The following CRPPA variants were observed in gnomAD, a reference collection of about 807,000 sequenced individuals.
CRPPA encodes D-ribitol-5-phosphate cytidylyltransferase.
CRPPA carries 43 observed loss-of-function variants against 52.0 expected under a neutral mutation model. The ratio of observed to expected loss-of-function variants is 0.83; its 90% CI spans 0.65 to 1.07. The LOEUF (loss-of-function observed/expected upper bound fraction) is 1.07. Among genes scored for constraint, CRPPA ranks in the 50% least tolerant of loss-of-function variants. The pLI is 0.00. For missense variants in CRPPA, 629 were observed against 551.7 expected (o/e 1.14, Z -1.40); for synonymous variants, 250 against 203.5 (o/e 1.23, Z -1.94).
rs559022127 is a variant in CRPPA at position 16,134,090 on chromosome 7, C to T, written c.1252-42291G>A. 1.6e-5 allele frequency among the ~76,000 whole-genome samples: 2 copies of T among 123,830 alleles called. 1 individual carries two copies. The highest frequency in any genetic ancestry group is 1.6e-4 in the Admixed American group (2 of 12,334). The allele number at this position is 123,830 out of a possible 152,430, so 81.2% of individuals were successfully genotyped here. A position where few individuals can be genotyped will look rare whatever the true frequency, so the allele number is the denominator to read the frequency against. On this transcript the variant is annotated intron_variant, in intron 9 of 9. Coordinates refer to ENST00000407010, the MANE Select transcript of CRPPA (RefSeq NM_001101426.4). ...GGGACTACAGGCGCCCGCCACCACG[C>T]CCGGCTAATTTTTTGTATTTTTAGC...
chr7:16,145,683 C>T (rs1335948425), intron 9 of CRPPA, among the ~76,000 whole-genome samples: 1 of 149,128 alleles, frequency 6.7e-6, no homozygotes. Flanking sequence ...GAATATAATC[C>T]CTGAAATAAA....
chr7:16,110,923 C>T (rs80344699), intron 9 of CRPPA, among the ~76,000 whole-genome samples: 2,309 of 151,812 alleles, frequency 0.015, 60 homozygotes, highest in African/African-American at 0.053. Flanking sequence ...GAAACAAAAG[C>T]GAAAGTAGAC....
intron 8 of CRPPA, among the ~76,000 whole-genome samples, chr7:16,254,838 AAAGAAAGAGAAAG>A (rs1184029453): frequency 6.6e-5 from 10 of 150,504 alleles, no homozygotes; most frequent in African/African-American, 2.4e-4. Flanking sequence ...AGAAAGAAAG[AAAGAAAGAGAAAG>A]AAGAAAGAAA....
chr7:16,096,689 CT>C (rs1294318842), intron 9 of CRPPA, among the ~76,000 whole-genome samples: 39 of 152,226 alleles, frequency 2.6e-4, no homozygotes, highest in African/African-American at 9.1e-4. Flanking sequence ...TTAAGCAATC[CT>C]TCTACCTCAT....
intron 9 of CRPPA, among the ~76,000 whole-genome samples, chr7:16,204,789 C>T (rs961060478): frequency 2.0e-5 from 3 of 152,140 alleles, no homozygotes; most frequent in Non-Finnish European, 2.9e-5. Context: ...TCCCTGTCTT[C>T]ATAAGCTTTG....
chr7:16,096,572 T>C (rs1476751423), intron 9 of CRPPA, among the ~76,000 whole-genome samples: 2 of 152,048 alleles, frequency 1.3e-5, no homozygotes, highest in East Asian at 3.9e-4. Flanking sequence ...AAAAAAAAAT[T>C]TGTTTTATCA....
intron 9 of CRPPA, among the ~76,000 whole-genome samples, chr7:16,181,204 C>T (rs1267015769): frequency 1.3e-5 from 2 of 151,448 alleles, no homozygotes; most frequent in African/African-American, 2.4e-5. Context: ...TTTATATGTA[C>T]CACTGGAATG....
intron 9 of CRPPA, among the ~76,000 whole-genome samples, chr7:16,149,483 G>A (rs560826429): frequency 1.3e-5 from 2 of 152,172 alleles, no homozygotes; most frequent in South Asian, 2.1e-4. Flanking sequence ...TCTCATTACG[G>A]TCTGAGAAAT....
chr7:16,104,670 G>C (rs1782113053), intron 9 of CRPPA, among the ~76,000 whole-genome samples: 1 of 152,142 alleles, frequency 6.6e-6, no homozygotes, highest in South Asian at 2.1e-4. Context: ...GGAGGCCAAG[G>C]TGGGCAGATC....
At chr7:16,291,887 G>C (rs2128420831) in intron 5 of CRPPA, among the ~76,000 whole-genome samples, 1 of 151,816 alleles carries the variant, frequency 6.6e-6, no homozygotes, top group East Asian at 1.9e-4. Flanking sequence ...TAATGCAATA[G>C]GCACATGCAT....
rs1208075304 is a variant in CRPPA, at chr7:16,406,270, T to A, written c.325A>T (p.Ile109Phe). ...ATGCGTTTATGCTGATACTTCTGAA[T>A]AATACTTTTCATTACTTCCATGTTC... ...GENMEVMKSI[I>F]QKYQHKRISL... The change falls in exon 2 of 10, where the codon ATT becomes TTT. Residue 109 changes from isoleucine (I) to phenylalanine (F), a missense_variant. Coordinates refer to ENST00000407010, the MANE Select transcript of CRPPA (RefSeq NM_001101426.4). 6.2e-7 allele frequency: 1 copy of A among 1,613,844 alleles called. No individual in the cohort carries two copies. The highest frequency in any genetic ancestry group is 8.5e-7 in the Non-Finnish European group (1 of 1,179,848).
intron 6 of CRPPA, among the ~76,000 whole-genome samples, chr7:16,264,766 C>A (rs1259975014): frequency 1.3e-5 from 2 of 152,164 alleles, no homozygotes; most frequent in South Asian, 2.1e-4. Flanking sequence ...CAACAATTAT[C>A]CCTTTTTGCC....
chr7:16,341,661 A>C (rs1412336476), intron 3 of CRPPA, among the ~76,000 whole-genome samples: 1 of 151,564 alleles, frequency 6.6e-6, no homozygotes, highest in Non-Finnish European at 1.5e-5. Flanking sequence ...AGTTTATTTT[A>C]GGGACTTTAA....
intron 8 of CRPPA, chr7:16,247,834 T>A (rs1783321459): frequency 6.6e-6 from 1 of 152,154 alleles, no homozygotes; most frequent in African/African-American, 2.4e-5. Flanking sequence ...ATTTTAAAAC[T>A]AGTTGTGAGA....
At chr7:16,251,589 A>T (rs957727714) in intron 8 of CRPPA, among the ~76,000 whole-genome samples, 1 of 152,224 alleles carries the variant, frequency 6.6e-6, no homozygotes, top group Non-Finnish European at 1.5e-5. Context: ...AAAACTGTAC[A>T]ACTACATGGA....
intron 8 of CRPPA, among the ~76,000 whole-genome samples, chr7:16,240,337 A>G (rs1030622703): frequency 6.6e-6 from 1 of 151,888 alleles, no homozygotes; most frequent in African/African-American, 2.4e-5. Flanking sequence ...AAATTTATAG[A>G]ATTTATACAA....
chr7:16,274,379 T>C lies in CRPPA; in HGVS notation c.933+3750A>G, dbSNP rs558689415. Among the ~76,000 whole-genome samples, 77 of 152,278 alleles carry C rather than the reference T, an allele frequency of 5.1e-4. 1 individual carries two copies. The highest frequency in any genetic ancestry group is 1.8e-3 in the African/African-American group (75 of 41,568). ...GCTGTTTCTAAGAGAAAGCATTCTCTTAAGTTTGTGTGGCATAACAGGTTT... is the reference window on the plus strand; with the variant it reads ...GCTGTTTCTAAGAGAAAGCATTCTCCTAAGTTTGTGTGGCATAACAGGTTT... On this transcript the variant is annotated intron_variant, in intron 6 of 9. Coordinates refer to ENST00000407010, the MANE Select transcript of CRPPA (RefSeq NM_001101426.4).
Position 16,202,908 on chromosome 7 carries a change from C to G in CRPPA, c.1251+13158G>C, listed in dbSNP as rs116766704. On this transcript the variant is annotated intron_variant, in intron 9 of 9. Coordinates refer to ENST00000407010, the MANE Select transcript of CRPPA (RefSeq NM_001101426.4). The stretch of plus-strand genomic sequence containing the variant: ...CTATGATGTGACCCACCCTTTCCTT[C>G]CTTGCCTAGGGAATATACTGGAAAA... 3.0e-3 allele frequency among the ~76,000 whole-genome samples: 456 copies of G among 152,214 alleles called. 3 individuals are homozygous for G. The highest frequency in any genetic ancestry group is 0.011 in the African/African-American group (437 of 41,530).
intron 8 of CRPPA, among the ~76,000 whole-genome samples, chr7:16,256,966 G>A (rs866441928): frequency 1.3e-5 from 2 of 152,062 alleles, no homozygotes; most frequent in African/African-American, 2.4e-5. Flanking sequence ...GATTAGAGCT[G>A]TGGAAGTTAA....
Sources: gnomAD v4.1 joint callset for allele counts (sites outside exome capture counted in the v4.1 genomes callset) on GRCh38, gnomAD v4.1.1 for gene constraint, MANE v1.5 for transcripts, NCBI Gene and HGNC (gene_info 2026-07-23, HGNC 2026-07-21) for gene names.